The following PCDH11X variants were observed in gnomAD, a reference collection of about 807,000 sequenced individuals.
The protein encoded by PCDH11X is protocadherin-11 X-linked.
In PCDH11X, 18 loss-of-function variants were observed where a neutral mutation model predicts 53.3. The observed-to-expected ratio is 0.34, with a 90% CI of 0.23 to 0.50. The LOEUF (loss-of-function observed/expected upper bound fraction) is 0.50. PCDH11X is among the 20% of genes least tolerant of loss of function. The pLI is 0.98. For missense variants in PCDH11X, 570 were observed against 1,032.4 expected, an observed-to-expected ratio of 0.55 and a Z score of 6.14; for synonymous variants, 279 against 393.3, an observed-to-expected ratio of 0.71 and a Z score of 3.44.
At chrX:92,339,492 G>A (rs2069701047) in intron 8 of PCDH11X, among the ~76,000 whole-genome samples, 1 of 111,236 alleles carries the variant, frequency 9.0e-6, no homozygotes, top group Non-Finnish European at 1.9e-5. Flanking sequence ...GGTTCCTCTG[G>A]ATATACAGGA....
intron 6 of PCDH11X, among the ~76,000 whole-genome samples, chrX:92,175,776 GTATA>G (rs1307418902): frequency 3.0e-4 from 24 of 79,284 alleles, no homozygotes; most frequent in South Asian, 7.2e-4. Context: ...GTGTGTGTGT[GTATA>G]TATATACACA....
At chrX:91,893,933 C>T (rs1940623676) in intron 6 of PCDH11X, among the ~76,000 whole-genome samples, 1 of 111,702 alleles carries the variant, frequency 9.0e-6, no homozygotes, top group Non-Finnish European at 1.9e-5. Context: ...AAATAAACCA[C>T]CGAGTTCTTA....
intron 6 of PCDH11X, among the ~76,000 whole-genome samples, chrX:91,933,777 G>A (rs1309151102): frequency 2.7e-5 from 3 of 111,223 alleles, no homozygotes; most frequent in East Asian, 5.7e-4. Flanking sequence ...TTGGTGTGAA[G>A]AAATTAATAT....
At chrX:92,514,814 G>A (rs1337493391) in intron 10 of PCDH11X, among the ~76,000 whole-genome samples, 5 of 109,073 alleles carry the variant, frequency 4.6e-5, no homozygotes, top group Admixed American at 9.8e-5. Flanking sequence ...TTGGGAGGCC[G>A]AGGCAGGCAG....
intron 6 of PCDH11X, among the ~76,000 whole-genome samples, chrX:91,886,965 C>T (rs1359342062): frequency 1.4e-5 from 1 of 70,622 alleles, no homozygotes; most frequent in Non-Finnish European, 2.5e-5. Context: ...AGCTAGACTC[C>T]ATCTCAAAAA....
At chrX:91,842,261 T>C (rs1937534695) in intron 5 of PCDH11X, among the ~76,000 whole-genome samples, 1 of 111,105 alleles carries the variant, frequency 9.0e-6, no homozygotes, top group Non-Finnish European at 1.9e-5. Context: ...CAGATTGTTG[T>C]TCAAGTGTCT....
intron 6 of PCDH11X, among the ~76,000 whole-genome samples, chrX:91,928,732 T>G (rs1485991103): frequency 9.3e-6 from 1 of 107,806 alleles, no homozygotes; most frequent in African/African-American, 3.4e-5. Flanking sequence ...AGATGGATTT[T>G]GATTTATTTT....
At position 92,278,889 on chromosome X, in the gene PCDH11X, G is replaced by A. The variant is rs916858436; in HGVS notation, c.3144+15746G>A. On this transcript the variant is annotated intron_variant, in intron 8 of 10. Transcript: ENST00000682573. ...TGCAATGGTGCGATCTCAGGTCACT[G>A]CAACCTCCGCCTCCTGGGTTCAAGC... Among the ~76,000 whole-genome samples the A allele has an allele frequency of 5.0e-5, 5 of 100,075 alleles. 1 individual carries two copies. Among genetic ancestry groups the A allele is most frequent in the South Asian group, 1.0e-3 (2 of 1,963 alleles). 86.9% of individuals were successfully genotyped at this position (100,075 alleles called of 115,157 possible). A position where few individuals can be genotyped will look rare whatever the true frequency, so the allele number is the denominator to read the frequency against.
intron 10 of PCDH11X, among the ~76,000 whole-genome samples, chrX:92,609,976 A>G (rs139395099): frequency 0.013 from 1,483 of 111,909 alleles, 29 homozygotes; most frequent in East Asian, 0.07. Flanking sequence ...CGTGCTATAT[A>G]TAAGAAATCC....
At chrX:92,574,453 T>A (rs1922575372) in intron 10 of PCDH11X, among the ~76,000 whole-genome samples, 1 of 100,907 alleles carries the variant, frequency 9.9e-6, no homozygotes, top group Non-Finnish European at 2.0e-5. Flanking sequence ...GTTATTAGAG[T>A]TTCATGGAGT....
intron 9 of PCDH11X, among the ~76,000 whole-genome samples, chrX:92,423,310 C>T (rs2072021157): frequency 1.0e-5 from 1 of 97,294 alleles, no homozygotes; most frequent in Non-Finnish European, 2.3e-5. Flanking sequence ...ACTTAGCCCA[C>T]TTTTTGATAG....
rs375960108 is a variant in PCDH11X at position 91,932,416 on chromosome X, G to T, written c.3033+53143G>T. On this transcript the variant is annotated intron_variant, in intron 6 of 10. Transcript: ENST00000682573. ...AGGGGGAGAAGTTTGGAAGAAAAAGGGAGTGAAAATAGGAAGAGAGTACAG... is the reference window on the plus strand; with the variant it reads ...AGGGGGAGAAGTTTGGAAGAAAAAGTGAGTGAAAATAGGAAGAGAGTACAG... Among the ~76,000 whole-genome samples the T allele has an allele frequency of 1.9e-4, 19 of 102,001 alleles. No individual in the cohort carries two copies. The East Asian group carries it at 3.5e-3, about 19-fold the overall frequency. 88.6% of individuals were successfully genotyped at this position (102,001 alleles called of 115,157 possible). A position where few individuals can be genotyped will look rare whatever the true frequency, so the allele number is the denominator to read the frequency against.
At chrX:92,515,628 CTG>C (rs747821682) in intron 10 of PCDH11X, 91 of 115,949 alleles carry the variant, frequency 7.8e-4, no homozygotes, top group East Asian at 2.5e-3. Context: ...AAAAATGTAT[CTG>C]TGTGTGTGTG....
intron 1 of PCDH11X, among the ~76,000 whole-genome samples, chrX:91,808,497 G>GA (rs59633527): frequency 0.33 from 31,583 of 96,152 alleles, 4,594 homozygotes; most frequent in African/African-American, 0.51. Flanking sequence ...TCTGTCTCAA[G>GA]AAAAAAAAAA....
intron 6 of PCDH11X, among the ~76,000 whole-genome samples, chrX:91,989,325 G>T: frequency 9.0e-6 from 1 of 111,584 alleles, no homozygotes; most frequent in Middle Eastern, 4.7e-3. Flanking sequence ...CACTTTGGGA[G>T]GCCGAGGCGG....
chrX:91,904,517 A>G (rs1941076782), intron 6 of PCDH11X, among the ~76,000 whole-genome samples: 1 of 111,314 alleles, frequency 9.0e-6, no homozygotes, highest in African/African-American at 3.3e-5. Context: ...TGACTATAAA[A>G]TAGTATAAAT....
intron 6 of PCDH11X, among the ~76,000 whole-genome samples, chrX:91,908,783 T>C (rs1440593421): frequency 4.2e-5 from 4 of 95,408 alleles, no homozygotes; most frequent in Admixed American, 3.8e-4. Context: ...CCAGCCTGGG[T>C]GACAGAGTGA....
At chrX:92,457,975 C>T (rs2072942064) in intron 9 of PCDH11X, among the ~76,000 whole-genome samples, 1 of 110,004 alleles carries the variant, frequency 9.1e-6, no homozygotes, top group Non-Finnish European at 1.9e-5. Flanking sequence ...TTTTCTGTTA[C>T]ATATGCTATA....
At chrX:92,060,646 A>G (rs1225959237) in intron 6 of PCDH11X, among the ~76,000 whole-genome samples, 2 of 109,160 alleles carry the variant, frequency 1.8e-5, no homozygotes, top group Middle Eastern at 9.5e-3. Flanking sequence ...ATGTTGCTTC[A>G]AAGGACATGA....
Sources: allele counts gnomAD v4.1 joint callset (sites outside exome capture counted in the v4.1 genomes callset), GRCh38; gene constraint gnomAD v4.1.1; transcripts MANE v1.5; gene names NCBI Gene and HGNC (gene_info 2026-07-23, HGNC 2026-07-21).